The following INSR variants were observed in gnomAD, a reference collection of about 807,000 sequenced individuals.
The protein encoded by INSR is insulin receptor.
A neutral mutation model predicts 142.6 loss-of-function variants in INSR; 67 were observed. That is an observed-to-expected ratio of 0.47 (90% confidence interval 0.39 to 0.58). INSR has a LOEUF of 0.58. Ranked by LOEUF, INSR falls within the 20% of genes least tolerant of loss-of-function variation. The probability of loss-of-function intolerance (pLI) is 0.00; values close to 1 mark genes in which losing one functional copy is unlikely to be tolerated. For missense variants in INSR, 1,248 were observed against 1,833.2 expected (o/e 0.68, Z 5.83); for synonymous variants, 756 against 743.1 (o/e 1.02, Z -0.28).
intron 2 of INSR, among the ~76,000 whole-genome samples, chr19:7,253,696 C>G (rs1352623159): frequency 6.6e-6 from 1 of 152,152 alleles, no homozygotes; most frequent in Non-Finnish European, 1.5e-5. Context: ...TCAACACTTT[C>G]TTGTTTGCTT....
chr19:7,232,936 G>A (rs1191393864), intron 2 of INSR, among the ~76,000 whole-genome samples: 12 of 152,206 alleles, frequency 7.9e-5, no homozygotes, highest in African/African-American at 2.2e-4. Flanking sequence ...TATCATTCCC[G>A]TATCCTCTTC....
intron 3 of INSR, among the ~76,000 whole-genome samples, chr19:7,178,648 T>G (rs913538109): frequency 5.3e-5 from 8 of 152,222 alleles, no homozygotes; most frequent in African/African-American, 1.9e-4. Context: ...GAACCTGGGA[T>G]GTGGAGGTTG....
rs918855166 is a variant in INSR, at chr19:7,168,381, C to T, written c.1484-287G>A. 6.6e-6 allele frequency among the ~76,000 whole-genome samples: 1 copy of T among 152,138 alleles called. No individual in the cohort carries two copies. The highest frequency in any genetic ancestry group is 1.5e-5 in the Non-Finnish European group (1 of 68,026). ...TCTGTACCCGCGCAAGAAGGACAAC[C>T]GGCCAATAGTTATTGGAGGAAGGGA... On this transcript the variant is annotated intron_variant, in intron 6 of 21. Coordinates refer to ENST00000302850, the MANE Select transcript of INSR (RefSeq NM_000208.4). The surrounding 1 kb of genome is among the most constrained non-coding windows in gnomAD (Gnocchi z 4.3).
At position 7,184,276 on chromosome 19, in the gene INSR, C is replaced by T. The variant is rs764852104; in HGVS notation, c.974+40G>A. On this transcript the variant is annotated intron_variant, in intron 3 of 21. Transcript: ENST00000302850. The stretch of plus-strand genomic sequence containing the variant: ...CGTCACAACCAACCCCACGTTCCTT[C>T]TCCTCTCGGCTGCCCCCCAGACCCA... 3.2e-6 allele frequency: 5 copies of T among 1,579,396 alleles called. No homozygotes were observed. In the South Asian group the frequency reaches 5.6e-5, roughly 18 times the overall value.
chr19:7,266,834 T>C (rs1258155739), intron 2 of INSR, among the ~76,000 whole-genome samples: 1 of 152,226 alleles, frequency 6.6e-6, no homozygotes, highest in African/African-American at 2.4e-5. Flanking sequence ...TTTGCTTTTT[T>C]TTCGTTTACA....
At chr19:7,140,772 C>CTTTTTTTT (rs1203725260) in intron 13 of INSR, among the ~76,000 whole-genome samples, 5 of 146,038 alleles carry the variant, frequency 3.4e-5, no homozygotes, top group African/African-American at 1.3e-4. Flanking sequence ...AATTAACGGC[C>CTTTTTTTT]CTTTTTTTTT....
chr19:7,136,887 A>AG (rs1972941872), intron 13 of INSR, among the ~76,000 whole-genome samples: 1 of 150,068 alleles, frequency 6.7e-6, no homozygotes, highest in African/African-American at 2.5e-5. Context: ...GCTGGAGTGC[A>AG]GTGGTGTGAT....
intron 13 of INSR, among the ~76,000 whole-genome samples, chr19:7,140,056 G>A (rs1973031148): frequency 6.6e-6 from 1 of 152,074 alleles, no homozygotes; most frequent in Admixed American, 6.6e-5. Context: ...TTGAACTCCT[G>A]ACCTCAACCC....
At chr19:7,210,242 A>G (rs7257462) in intron 2 of INSR, among the ~76,000 whole-genome samples, 150,767 of 151,538 alleles carry the variant, frequency 0.99, 75,014 homozygotes, top group Middle Eastern at 1. Context: ...TTGCTCGGGA[A>G]GCTGAGGCAG....
intron 1 of INSR, among the ~76,000 whole-genome samples, chr19:7,276,542 C>T (rs1568234257): frequency 6.6e-6 from 1 of 152,012 alleles, no homozygotes; most frequent in Admixed American, 6.6e-5. Context: ...CTCTTAAATT[C>T]AGGAGGTCCT....
At chr19:7,274,139 G>C (rs1600119776) in intron 1 of INSR, among the ~76,000 whole-genome samples, 1 of 152,014 alleles carries the variant, frequency 6.6e-6, no homozygotes, top group Non-Finnish European at 1.5e-5. Flanking sequence ...CACGGGATGG[G>C]TGGTGATGGT....
At chr19:7,127,888 C>T (rs1418273487) in intron 15 of INSR, among the ~76,000 whole-genome samples, 4 of 151,994 alleles carry the variant, frequency 2.6e-5, no homozygotes, top group South Asian at 2.1e-4. Context: ...GGATTACAGG[C>T]GCACATCACC....
intron 11 of INSR, among the ~76,000 whole-genome samples, chr19:7,149,149 C>A (rs945469191): frequency 6.6e-6 from 1 of 151,454 alleles, no homozygotes; most frequent in Non-Finnish European, 1.5e-5. Context: ...TCTCATGATC[C>A]GCCCGCCTCG....
intron 17 of INSR, among the ~76,000 whole-genome samples, chr19:7,124,653 A>C: frequency 8.6e-6 from 1 of 116,766 alleles, no homozygotes; most frequent in African/African-American, 3.2e-5. Context: ...TAAAATAAAA[A>C]TAAAGGTTTT....
intron 2 of INSR, among the ~76,000 whole-genome samples, chr19:7,197,376 T>C (rs1166356071): frequency 1.3e-5 from 2 of 152,184 alleles, no homozygotes; most frequent in Non-Finnish European, 2.9e-5. Flanking sequence ...AGTGAGTCCG[T>C]CCACGGGGGC....
intron 1 of INSR, among the ~76,000 whole-genome samples, chr19:7,288,058 A>C (rs1193873706): frequency 6.6e-6 from 1 of 152,140 alleles, no homozygotes; most frequent in African/African-American, 2.4e-5. Flanking sequence ...AGAAGTCGGA[A>C]TCTATGTAAA....
chr19:7,263,664 C>T (rs1447497032), intron 2 of INSR, among the ~76,000 whole-genome samples: 3 of 152,182 alleles, frequency 2.0e-5, no homozygotes, highest in African/African-American at 7.2e-5. Flanking sequence ...GGGCTCAGTG[C>T]AGCTTCGACC....
intron 3 of INSR, among the ~76,000 whole-genome samples, chr19:7,178,999 C>T (rs1238423412): frequency 3.9e-5 from 6 of 152,212 alleles, no homozygotes; most frequent in Non-Finnish European, 8.8e-5. Flanking sequence ...CAGCCTCGAA[C>T]TCCTGGGCTC....
At chr19:7,214,731 A>G (rs1469111417) in intron 2 of INSR, among the ~76,000 whole-genome samples, 1 of 152,156 alleles carries the variant, frequency 6.6e-6, no homozygotes, top group Non-Finnish European at 1.5e-5. Flanking sequence ...CTCTTTTTAT[A>G]GATGAGGAAA....
Sources: allele counts gnomAD v4.1 joint callset (sites outside exome capture counted in the v4.1 genomes callset), GRCh38; gene constraint gnomAD v4.1.1; non-coding constraint Gnocchi (gnomAD v3.1); transcripts MANE v1.5; gene names NCBI Gene and HGNC (gene_info 2026-07-23, HGNC 2026-07-21).